Variants in ABCA13 observed in about 807,000 individuals in gnomAD.
ABCA13 encodes ATP binding cassette subfamily A member 13.
In ABCA13, 476 loss-of-function variants were observed where a neutral mutation model predicts 478.7. That is an observed-to-expected ratio of 0.99 (90% CI 0.92 to 1.07). The LOEUF (loss-of-function observed/expected upper bound fraction) is 1.07, where lower values mean the gene tolerates loss of function less well. Among genes scored for constraint, ABCA13 ranks in the 50% least tolerant of loss-of-function variants. The pLI is 0.00. For missense variants in ABCA13, 6,060 were observed against 5,910.6 expected (o/e 1.03, Z -0.83); for synonymous variants, 2,252 against 2,158.9 (o/e 1.04, Z -1.20).
chr7:48,346,373 G>A (rs959095115), intron 29 of ABCA13, among the ~76,000 whole-genome samples: 1 of 152,078 alleles, frequency 6.6e-6, no homozygotes, highest in East Asian at 1.9e-4. Flanking sequence ...CAGTTAAATT[G>A]TTTAACCACG....
chr7:48,542,923 A>G (rs1305438921), intron 55 of ABCA13, among the ~76,000 whole-genome samples: 2 of 151,784 alleles, frequency 1.3e-5, no homozygotes, highest in Non-Finnish European at 2.9e-5. Flanking sequence ...ATTTCAGTGC[A>G]TTATATTGAC....
intron 55 of ABCA13, among the ~76,000 whole-genome samples, chr7:48,530,344 A>C (rs980257150): frequency 3.3e-5 from 5 of 151,750 alleles, no homozygotes; most frequent in Non-Finnish European, 5.9e-5. Context: ...ACATATATAG[A>C]TGTATATATA....
At chr7:48,242,076 G>T (rs1362083822) in intron 10 of ABCA13, among the ~76,000 whole-genome samples, 1 of 152,138 alleles carries the variant, frequency 6.6e-6, no homozygotes, top group Non-Finnish European at 1.5e-5. Flanking sequence ...ATGAACAAAT[G>T]CAGGGACATT....
rs546135329 is a variant in ABCA13 at position 48,297,877 on chromosome 7, C to T, written c.9200-489C>T. 1.9e-4 allele frequency among the ~76,000 whole-genome samples: 29 copies of T among 150,832 alleles called. No homozygotes were observed. The South Asian group carries it at 3.6e-3, about 19-fold the overall frequency. ...GCAACCTCCGCCTCCTGGGTTCAAG[C>T]GATTCTCCTGCCTCAGCCTCCTGAG... On this transcript the variant is annotated intron_variant, in intron 22 of 61. Coordinates refer to ENST00000435803, the MANE Select transcript of ABCA13 (RefSeq NM_152701.5).
intron 46 of ABCA13, among the ~76,000 whole-genome samples, chr7:48,482,544 A>AT (rs35417923): frequency 0.19 from 28,640 of 148,198 alleles, 3,198 homozygotes; most frequent in African/African-American, 0.3. Flanking sequence ...TGCCCAGCTA[A>AT]TTTTTTTTTT....
At chr7:48,496,726 A>G (rs1563351805) in intron 48 of ABCA13, among the ~76,000 whole-genome samples, 1 of 150,884 alleles carries the variant, frequency 6.6e-6, no homozygotes, top group Non-Finnish European at 1.5e-5. Flanking sequence ...ATGGTTGACA[A>G]TTAAAGAAAA....
intron 8 of ABCA13, among the ~76,000 whole-genome samples, chr7:48,235,789 G>A (rs952277200): frequency 6.6e-6 from 1 of 152,202 alleles, no homozygotes; most frequent in Non-Finnish European, 1.5e-5. Context: ...GTGTAGGTAT[G>A]TATGGGAGTT....
Position 48,389,183 on chromosome 7 carries a change from C to T in ABCA13, c.11617C>T (p.Leu3873=), listed in dbSNP as rs771610036. 1 of 1,613,892 alleles carries T rather than the reference C, an allele frequency of 6.2e-7. No homozygotes were observed. The highest frequency in any genetic ancestry group is 2.2e-5 in the East Asian group (1 of 44,866). Reference sequence around the variant, plus strand: ...CTTCTACAGAGACCAAATCACCGCCCTGCTGGGGACAAACGGTGCCGGGAA... The same window carrying T: ...CTTCTACAGAGACCAAATCACCGCCTTGCTGGGGACAAACGGTGCCGGGAA... The part of the protein sequence containing the change: ...LTFYRDQITA[L]LGTNGAGKTT... Residue 3873 remains leucine, a synonymous_variant, in exon 37 of 62, where the codon CTG becomes TTG. Transcript: ENST00000435803.
chr7:48,377,788 AG>A (rs1813736410), intron 35 of ABCA13, among the ~76,000 whole-genome samples: 1 of 152,248 alleles, frequency 6.6e-6, no homozygotes, highest in Non-Finnish European at 1.5e-5. Flanking sequence ...GAGAAGGCCA[AG>A]GGTTCAAGGA....
chr7:48,334,050 C>A lies in ABCA13; in HGVS notation c.10000-1372C>A, dbSNP rs558904797. ...ACTCCTGGTCCCTCCAGAGAGGCAG[C>A]CCAGCTAGGCTGCCTTCTGTTACTA... On this transcript the variant is annotated intron_variant, in intron 27 of 61. Coordinates refer to ENST00000435803, the MANE Select transcript of ABCA13 (RefSeq NM_152701.5). Among the ~76,000 whole-genome samples, 10 of 152,278 alleles carry A rather than the reference C, an allele frequency of 6.6e-5. 1 individual carries two copies. In the South Asian group the frequency reaches 1.9e-3, roughly 28 times the overall value.
chr7:48,606,644 C>T (rs1791496110), intron 58 of ABCA13, among the ~76,000 whole-genome samples: 1 of 152,204 alleles, frequency 6.6e-6, no homozygotes, highest in South Asian at 2.1e-4. Flanking sequence ...TATTAGGTGT[C>T]TGTCAGCCCC....
In ABCA13 at chr7:48,370,018, G is replaced by A. The variant is rs139656648; in HGVS notation, c.10803+2110G>A. 7.9e-4 allele frequency among the ~76,000 whole-genome samples: 120 copies of A among 152,066 alleles called. 1 individual carries two copies. Among genetic ancestry groups the A allele is most frequent in the African/African-American group, 2.4e-3 (100 of 41,500 alleles). ...TTCACAATATTGATTCTACCCATCC[G>A]TGAGCATGGCATGTGTTTCCTTTGT... On this transcript the variant is annotated intron_variant, in intron 32 of 61. Transcript: ENST00000435803.
intron 10 of ABCA13, among the ~76,000 whole-genome samples, chr7:48,242,284 TG>T (rs35987259): frequency 0.53 from 79,864 of 151,560 alleles, 21,644 homozygotes; most frequent in African/African-American, 0.62. Context: ...CCTACAGAGA[TG>T]GGGGGAAGCT....
intron 48 of ABCA13, among the ~76,000 whole-genome samples, chr7:48,496,296 G>GA (rs1459234118): frequency 2.0e-5 from 3 of 151,862 alleles, no homozygotes; most frequent in Non-Finnish European, 4.4e-5. Context: ...ACATATATAT[G>GA]ACTTATCACA....
At chr7:48,610,429 A>G (rs1251484615) in intron 58 of ABCA13, among the ~76,000 whole-genome samples, 1 of 152,196 alleles carries the variant, frequency 6.6e-6, no homozygotes, top group African/African-American at 2.4e-5. Context: ...AAGGGCTGGC[A>G]TTGAGTGCCT....
chr7:48,441,632 A>G (rs2129166670), intron 42 of ABCA13, among the ~76,000 whole-genome samples: 1 of 152,306 alleles, frequency 6.6e-6, no homozygotes, highest in African/African-American at 2.4e-5. Context: ...CAGAGTGTGG[A>G]AGTCACTTCT....
At chr7:48,563,245 A>C (rs2131275293) in intron 55 of ABCA13, among the ~76,000 whole-genome samples, 1 of 151,026 alleles carries the variant, frequency 6.6e-6, no homozygotes, top group South Asian at 2.1e-4. Flanking sequence ...TTTGTGTTAC[A>C]GTGAGAAGGA....
chr7:48,477,168 GAC>G lies in ABCA13; in HGVS notation c.12976-3865_12976-3864del, dbSNP rs1697511859. On this transcript the variant is annotated intron_variant, in intron 45 of 61. Coordinates refer to ENST00000435803, the MANE Select transcript of ABCA13 (RefSeq NM_152701.5). Reference sequence around the variant, plus strand: ...GTTTAATACAGAGGGTGTATTTGGGGACACCTACACGGATAATGGTTAGAATG... The same window carrying G: ...GTTTAATACAGAGGGTGTATTTGGGGACCTACACGGATAATGGTTAGAATG... Among the ~76,000 whole-genome samples, 7 of 152,240 alleles carry G rather than the reference GAC, an allele frequency of 4.6e-5. No homozygotes were observed. In the South Asian group the frequency reaches 1.5e-3, roughly 32 times the overall value.
Position 48,295,256 on chromosome 7 carries a change from G to A in ABCA13, c.8956-444G>A, listed in dbSNP as rs139815061. On this transcript the variant is annotated intron_variant, in intron 20 of 61. Transcript: ENST00000435803. ...TATGAGGTAATAGCTCATTGTGGTTGATTTGCATTTTCCTGATGATTAGTG... is the reference window on the plus strand; with the variant it reads ...TATGAGGTAATAGCTCATTGTGGTTAATTTGCATTTTCCTGATGATTAGTG... Among the ~76,000 whole-genome samples the A allele has an allele frequency of 9.1e-3, 1,382 of 152,264 alleles. 20 individuals carry two copies. Among genetic ancestry groups the A allele is most frequent in the African/African-American group, 0.031 (1,289 of 41,548 alleles).
Sources: allele counts gnomAD v4.1 joint callset (sites outside exome capture counted in the v4.1 genomes callset), GRCh38; gene constraint gnomAD v4.1.1; transcripts MANE v1.5; gene names NCBI Gene and HGNC (gene_info 2026-07-23, HGNC 2026-07-21).